The following PRSS23 variants were observed in gnomAD, a reference collection of about 807,000 sequenced individuals.
PRSS23 encodes the protein serine protease 23, also known as protease, serine 23.
Under a neutral mutation model 34.7 loss-of-function variants are expected in PRSS23, and 25 were observed. The observed-to-expected ratio is 0.72, with a 90% CI of 0.53 to 1.01. PRSS23 has a LOEUF of 1.01. PRSS23 is among the 50% of genes least tolerant of loss of function. The probability of loss-of-function intolerance (pLI) is 0.00; values close to 1 mark genes in which losing one functional copy is unlikely to be tolerated. For synonymous variants in PRSS23, 176 were observed against 186.6 expected, an observed-to-expected ratio of 0.94 and a Z score of 0.46; for missense variants, 445 against 475.6, an observed-to-expected ratio of 0.94 and a Z score of 0.60.
intron 2 of PRSS23, among the ~76,000 whole-genome samples, chr11:86,916,383 T>C (rs1949012919): frequency 6.6e-6 from 1 of 152,178 alleles, no homozygotes; most frequent in African/African-American, 2.4e-5. Context: ...ATTGTTCTTA[T>C]TTGCTGTTCC....
At chr11:86,801,455 G>A (rs1311125691) in intron 1 of PRSS23, among the ~76,000 whole-genome samples, 1 of 152,184 alleles carries the variant, frequency 6.6e-6, no homozygotes, top group East Asian at 1.9e-4. Context: ...ACTGCCCACT[G>A]GGTGACACCA....
In PRSS23 at chr11:86,927,917, G is replaced by C. The variant is rs548817993; in HGVS notation, c.207-23299G>C. 7.3e-5 allele frequency among the ~76,000 whole-genome samples: 11 copies of C among 151,574 alleles called. No individual in the cohort carries two copies. In the South Asian group the frequency reaches 2.3e-3, roughly 32 times the overall value. On this transcript the variant is annotated intron_variant, in intron 2 of 2. Coordinates refer to the PRSS23 transcript ENST00000533902. ...GATTGCACCACTGCACTCCAGCCTG[G>C]GTGACAAGAGAGAAACTCCGTCTCA...
intron 2 of PRSS23, chr11:86,933,644 G>C (rs1949141220): frequency 6.6e-6 from 1 of 152,152 alleles, no homozygotes; most frequent in South Asian, 2.1e-4. Flanking sequence ...TTATAGGGAG[G>C]GAGGTGCTCC....
At chr11:86,839,140 T>C (rs1172760138) in intron 2 of PRSS23, among the ~76,000 whole-genome samples, 3 of 151,770 alleles carry the variant, frequency 2.0e-5, no homozygotes. Context: ...GGATGGAGAA[T>C]GAGCTTAACG....
chr11:86,813,959 G>T (rs1948197767), downstream of PRSS23, among the ~76,000 whole-genome samples: 1 of 152,334 alleles, frequency 6.6e-6, no homozygotes, highest in African/African-American at 2.4e-5. Context: ...ATATTTGAAA[G>T]TAGAGCCAAC....
In PRSS23 at chr11:86,847,340, A is replaced by G. The variant is rs189352468; in HGVS notation, c.206+23747A>G. Among the ~76,000 whole-genome samples, 199 of 152,300 alleles carry G rather than the reference A, an allele frequency of 1.3e-3. 1 individual carries two copies. The highest frequency in any genetic ancestry group is 4.5e-3 in the African/African-American group (189 of 41,576). ...CCAACCCAGGCCTTGCCACCCTGGA[A>G]CAGGTTGGATGTATTGGCAGAAGGA... is the stretch of plus-strand genomic sequence containing the variant. On this transcript the variant is annotated intron_variant, in intron 2 of 2. Transcript: ENST00000533902.
Position 86,834,450 on chromosome 11 carries a change from A to G in PRSS23, c.206+10857A>G, listed in dbSNP as rs1038516758. On this transcript the variant is annotated intron_variant, in intron 2 of 2. Transcript: ENST00000533902. Reference sequence around the variant, plus strand: ...GTCCTTCTATAAGCATTTCTAATGAAGCGTCCTGCCTTGCGGTTCTTTTGG... The same window carrying G: ...GTCCTTCTATAAGCATTTCTAATGAGGCGTCCTGCCTTGCGGTTCTTTTGG... Among the ~76,000 whole-genome samples the G allele has an allele frequency of 2.6e-5, 4 of 152,080 alleles. No homozygotes were observed. The East Asian group carries it at 5.8e-4, about 22-fold the overall frequency.
At chr11:86,858,085 G>C (rs1265045383) in intron 2 of PRSS23, 3 of 205,488 alleles carry the variant, frequency 1.5e-5, no homozygotes, top group South Asian at 8.8e-5. Flanking sequence ...CTGGGGGAGA[G>C]AGGATATTAC....
At chr11:86,800,782 G>A (rs144998118) in intron 1 of PRSS23, 131 bp downstream of exon 1, 2 of 385,060 alleles carry the variant, frequency 5.2e-6, no homozygotes, top group Admixed American at 6.4e-5. Flanking sequence ...GCAGGACTTC[G>A]CCAGGGCAGT....
chr11:86,861,420 G>T (rs1423582383), intron 2 of PRSS23, among the ~76,000 whole-genome samples: 1 of 151,632 alleles, frequency 6.6e-6, no homozygotes, highest in Non-Finnish European at 1.5e-5. Context: ...TCCCCATATC[G>T]CAGGGGGTGT....
At chr11:86,895,415 A>G (rs1036873943) in intron 2 of PRSS23, among the ~76,000 whole-genome samples, 1 of 151,984 alleles carries the variant, frequency 6.6e-6, no homozygotes, top group Non-Finnish European at 1.5e-5. Context: ...GGCATTCATT[A>G]ATATTAGAAT....
chr11:86,821,279 T>G, intron 1 of PRSS23: 1 of 544,476 alleles, frequency 1.8e-6, no homozygotes, highest in Non-Finnish European at 3.1e-6. Context: ...AAATGTTTCC[T>G]TTTCATATTC....
intron 2 of PRSS23, among the ~76,000 whole-genome samples, chr11:86,842,381 G>T (rs1027016913): frequency 1.3e-5 from 2 of 152,194 alleles, no homozygotes; most frequent in African/African-American, 4.8e-5. Flanking sequence ...ACAAGACAAC[G>T]ATGGCCTCTC....
chr11:86,902,258 T>C (rs564257978), intron 2 of PRSS23, among the ~76,000 whole-genome samples: 1 of 152,288 alleles, frequency 6.6e-6, no homozygotes, highest in South Asian at 2.1e-4. Context: ...CCTAAAACCT[T>C]ATCTATTTGC....
chr11:86,936,697 A>C (rs1320039740), intron 2 of PRSS23: 1 of 152,104 alleles, frequency 6.6e-6, no homozygotes, highest in South Asian at 2.1e-4. Context: ...TGAGCCCAAG[A>C]GTTTGAGACC....
intron 2 of PRSS23, among the ~76,000 whole-genome samples, chr11:86,825,452 C>T (rs1350301808): frequency 0.011 from 1,660 of 152,174 alleles, 39 homozygotes; most frequent in African/African-American, 0.038. Context: ...CTGATGGTAG[C>T]TTCTTTTGCT....
intron 2 of PRSS23, among the ~76,000 whole-genome samples, chr11:86,929,408 C>T (rs1306827616): frequency 6.6e-6 from 1 of 151,916 alleles, no homozygotes. Context: ...TTTGGGAAGC[C>T]GAGGCAGGCG....
chr11:86,836,409 A>G (rs1311505324), intron 2 of PRSS23, among the ~76,000 whole-genome samples: 1 of 152,092 alleles, frequency 6.6e-6, no homozygotes, highest in Non-Finnish European at 1.5e-5. Context: ...GCTCATCCAT[A>G]TTGTCCTTCT....
chr11:86,902,310 G>T (rs959485875), intron 2 of PRSS23, among the ~76,000 whole-genome samples: 1 of 152,152 alleles, frequency 6.6e-6, no homozygotes, highest in South Asian at 2.1e-4. Flanking sequence ...CATGTCTTCT[G>T]ACCTTTGGCA....
Sources: allele counts gnomAD v4.1 joint callset (sites outside exome capture counted in the v4.1 genomes callset), GRCh38; gene constraint gnomAD v4.1.1; transcripts MANE v1.5; gene names NCBI Gene and HGNC (gene_info 2026-07-23, HGNC 2026-07-21).